PDGFC: variants seen among roughly 807,000 people sequenced by gnomAD.
PDGFC encodes platelet-derived growth factor C.
Under a neutral mutation model 35.5 loss-of-function variants are expected in PDGFC, and 12 were observed. The observed-to-expected ratio is 0.34, with a 90% CI of 0.22 to 0.55. PDGFC has a LOEUF of 0.55. PDGFC is among the 20% of genes least tolerant of loss of function. The pLI is 0.91. For missense variants in PDGFC, 322 were observed against 412.4 expected (o/e 0.78, Z 1.90); for synonymous variants, 159 against 148.8 (o/e 1.07, Z -0.50).
intron 5 of PDGFC, among the ~76,000 whole-genome samples, chr4:156,766,705 C>T (rs1332809761): frequency 6.6e-6 from 1 of 151,836 alleles, no homozygotes; most frequent in Non-Finnish European, 1.5e-5. Context: ...TCAGTGAAAC[C>T]CTCATCTGTT....
chr4:156,846,822 C>G (rs1290253846), intron 2 of PDGFC, among the ~76,000 whole-genome samples: 1 of 151,240 alleles, frequency 6.6e-6, no homozygotes. Flanking sequence ...TGCCTCTTAG[C>G]AAAATAAAAA....
chr4:156,932,839 A>G (rs1246590765), intron 1 of PDGFC, among the ~76,000 whole-genome samples: 1 of 151,936 alleles, frequency 6.6e-6, no homozygotes, highest in South Asian at 2.1e-4. Context: ...TGGCACATGT[A>G]TACATATGTA....
chr4:156,781,916 C>T (rs1730990686), intron 3 of PDGFC, among the ~76,000 whole-genome samples: 1 of 151,808 alleles, frequency 6.6e-6, no homozygotes, highest in Non-Finnish European at 1.5e-5. Context: ...ATTTAATTAC[C>T]CAAGTTGTAC....
intron 1 of PDGFC, among the ~76,000 whole-genome samples, chr4:156,945,713 T>A (rs546793758): frequency 4.0e-4 from 61 of 152,058 alleles, no homozygotes; most frequent in Admixed American, 3.5e-3. Flanking sequence ...GGCTAAAAAC[T>A]CATAATCTTG....
At chr4:156,946,833 G>A (rs961019406) in intron 1 of PDGFC, among the ~76,000 whole-genome samples, 11 of 152,006 alleles carry the variant, frequency 7.2e-5, no homozygotes, top group Admixed American at 1.3e-4. Context: ...GTTTTCATAT[G>A]TGTTAAGACT....
chr4:156,867,784 CCAAA>C (rs1388141547), intron 1 of PDGFC, among the ~76,000 whole-genome samples: 2 of 151,958 alleles, frequency 1.3e-5, no homozygotes, highest in African/African-American at 2.4e-5. Context: ...ATATGAAACC[CCAAA>C]CAAAGGAATT....
At position 156,797,240 on chromosome 4, in the gene PDGFC, A is replaced by G. The variant is rs554404646; in HGVS notation, c.495+13597T>C. 2.6e-5 allele frequency among the ~76,000 whole-genome samples: 4 copies of G among 151,986 alleles called. No homozygotes were observed. In the South Asian group the frequency reaches 8.3e-4, roughly 32 times the overall value. ...GCGACAGAGCGACAATCAGTCTAAAAAAAAAAAAGAAAAAAAAAAGAAAAA... is the reference window on the plus strand; with the variant it reads ...GCGACAGAGCGACAATCAGTCTAAAGAAAAAAAAGAAAAAAAAAAGAAAAA... On this transcript the variant is annotated intron_variant, in intron 3 of 5. Coordinates refer to ENST00000502773, the MANE Select transcript of PDGFC (RefSeq NM_016205.3).
intron 1 of PDGFC, among the ~76,000 whole-genome samples, chr4:156,910,327 G>T (rs1334818999): frequency 6.6e-6 from 1 of 152,028 alleles, no homozygotes; most frequent in Non-Finnish European, 1.5e-5. Context: ...GTAGTACAAT[G>T]TCATTACATT....
chr4:156,822,925 G>A (rs1046330999), intron 2 of PDGFC, among the ~76,000 whole-genome samples: 6 of 151,926 alleles, frequency 3.9e-5, no homozygotes, highest in African/African-American at 1.4e-4. Flanking sequence ...ATAGAGATGG[G>A]GTTTCTCCGT....
At chr4:156,873,782 T>G (rs1043849909) in intron 1 of PDGFC, 2 of 152,224 alleles carry the variant, frequency 1.3e-5, no homozygotes, top group African/African-American at 4.8e-5. Context: ...TTGGACTTAT[T>G]TTGCAATTCA....
chr4:156,894,436 T>C (rs1168585437), intron 1 of PDGFC, among the ~76,000 whole-genome samples: 3 of 152,206 alleles, frequency 2.0e-5, no homozygotes, highest in Admixed American at 6.5e-5. Context: ...CATTGCATCA[T>C]AGTATTGTTC....
intron 1 of PDGFC, among the ~76,000 whole-genome samples, chr4:156,864,863 T>A (rs1729798446): frequency 6.6e-6 from 1 of 152,168 alleles, no homozygotes; most frequent in Admixed American, 6.6e-5. Flanking sequence ...TCAAGTATGT[T>A]AAACTTCTGA....
chr4:156,786,883 A>G (rs1264957277), intron 3 of PDGFC, among the ~76,000 whole-genome samples: 6 of 152,192 alleles, frequency 3.9e-5, no homozygotes, highest in Non-Finnish European at 5.9e-5. Context: ...CCTTATGTTT[A>G]AAAGGATCAC....
chr4:156,908,515 T>C (rs1730969540), intron 1 of PDGFC, among the ~76,000 whole-genome samples: 1 of 152,132 alleles, frequency 6.6e-6, no homozygotes, highest in African/African-American at 2.4e-5. Context: ...TTCTAAGTAA[T>C]ACAAAGAACA....
chr4:156,786,049 C>T (rs1731116320), intron 3 of PDGFC, among the ~76,000 whole-genome samples: 1 of 152,066 alleles, frequency 6.6e-6, no homozygotes, highest in Non-Finnish European at 1.5e-5. Flanking sequence ...AAACTAATCA[C>T]CATTACCCTA....
intron 1 of PDGFC, among the ~76,000 whole-genome samples, chr4:156,956,985 C>T (rs995151646): frequency 3.9e-5 from 6 of 152,038 alleles, no homozygotes; most frequent in Non-Finnish European, 5.9e-5. Flanking sequence ...AGAAAAATGG[C>T]GAGAAGCTGT....
In PDGFC at chr4:156,875,925, T is replaced by A. The variant is rs557729249; in HGVS notation, c.119-25509A>T. 5.9e-5 allele frequency among the ~76,000 whole-genome samples: 9 copies of A among 152,180 alleles called. No individual in the cohort carries two copies. The South Asian group carries it at 1.9e-3, about 32-fold the overall frequency. On this transcript the variant is annotated intron_variant, in intron 1 of 5. Transcript: ENST00000502773. ...TCGCACAGAAAACTGAAGAAATTAT[T>A]TCAAAAGCTGTTCCATATCATCAAT...
At chr4:156,839,771 C>T (rs1366062965) in intron 2 of PDGFC, among the ~76,000 whole-genome samples, 1 of 152,134 alleles carries the variant, frequency 6.6e-6, no homozygotes, top group African/African-American at 2.4e-5. Flanking sequence ...TGTTGAACGG[C>T]TTTGACCAAA....
At chr4:156,838,748 C>A (rs950021092) in intron 2 of PDGFC, among the ~76,000 whole-genome samples, 3 of 152,096 alleles carry the variant, frequency 2.0e-5, no homozygotes, top group African/African-American at 7.2e-5. Flanking sequence ...TGGCTGTGTT[C>A]CCACCCAAAT....
Sources: gnomAD v4.1 joint callset for allele counts (sites outside exome capture counted in the v4.1 genomes callset) on GRCh38, gnomAD v4.1.1 for gene constraint, MANE v1.5 for transcripts, NCBI Gene and HGNC (gene_info 2026-07-23, HGNC 2026-07-21) for gene names.